Variants in HIVEP2 observed in about 807,000 individuals in gnomAD.
HIVEP2 encodes transcription factor HIVEP2.
In HIVEP2, 14 loss-of-function variants were observed where a neutral mutation model predicts 180.7. The observed-to-expected ratio is 0.08, with a 90% confidence interval of 0.05 to 0.12. The LOEUF (loss-of-function observed/expected upper bound fraction) is 0.12. HIVEP2 is among the 10% of genes least tolerant of loss of function. The pLI is 1.00. For synonymous variants in HIVEP2, 1,184 were observed against 1,136.4 expected, an observed-to-expected ratio of 1.04 and a Z score of -0.84; for missense variants, 2,579 against 3,008.5, an observed-to-expected ratio of 0.86 and a Z score of 3.34.
At chr6:142,808,285 A>G (rs1166660336) in intron 2 of HIVEP2, among the ~76,000 whole-genome samples, 1 of 152,186 alleles carries the variant, frequency 6.6e-6, no homozygotes, top group African/African-American at 2.4e-5. Flanking sequence ...CTTGATACAC[A>G]AGAAATGCTC....
intron 1 of HIVEP2, among the ~76,000 whole-genome samples, chr6:142,944,427 C>CCACA (rs34581763): frequency 0.019 from 2,814 of 146,890 alleles, 90 homozygotes; most frequent in African/African-American, 0.067. Flanking sequence ...CCCCACACAC[C>CCACA]CACACACACA....
intron 7 of HIVEP2, among the ~76,000 whole-genome samples, chr6:142,763,798 T>A (rs1216735394): frequency 6.6e-6 from 1 of 152,210 alleles, no homozygotes; most frequent in African/African-American, 2.4e-5. Context: ...GAACACATAC[T>A]TTTTTCAGCT....
intron 9 of HIVEP2, among the ~76,000 whole-genome samples, chr6:142,754,239 A>T (rs1775004798): frequency 6.6e-6 from 1 of 152,002 alleles, no homozygotes; most frequent in Admixed American, 6.6e-5. Context: ...TTTTCACAAG[A>T]GATAATGAAA....
intron 2 of HIVEP2, among the ~76,000 whole-genome samples, chr6:142,789,393 T>C (rs996238368): frequency 2.0e-5 from 3 of 152,244 alleles, no homozygotes; most frequent in Non-Finnish European, 4.4e-5. Flanking sequence ...AGGTTTGTTT[T>C]CTTGACCCAA....
At chr6:142,856,822 G>C (rs1775834223) in intron 1 of HIVEP2, among the ~76,000 whole-genome samples, 1 of 152,176 alleles carries the variant, frequency 6.6e-6, no homozygotes, top group African/African-American at 2.4e-5. Context: ...TGGTTAGCAG[G>C]GGCTCCCCAA....
chr6:142,895,792 A>G (rs1465865384), intron 1 of HIVEP2, among the ~76,000 whole-genome samples: 1 of 152,236 alleles, frequency 6.6e-6, no homozygotes, highest in Admixed American at 6.5e-5. Flanking sequence ...GAGTGGATCA[A>G]ACCAGGCCTC....
chr6:142,777,186 T>C (rs1775723850), intron 3 of HIVEP2, among the ~76,000 whole-genome samples: 1 of 152,160 alleles, frequency 6.6e-6, no homozygotes, highest in Non-Finnish European at 1.5e-5. Context: ...TCCTTACAGG[T>C]GTACTTGCAC....
At position 142,773,307 on chromosome 6, in the gene HIVEP2, G is replaced by C. The variant is rs1264040020; in HGVS notation, c.1432C>G (p.Leu478Val). 1 of 1,614,212 alleles carries C rather than the reference G, an allele frequency of 6.2e-7. No individual in the cohort carries two copies. The highest frequency in any genetic ancestry group is 8.5e-7 in the Non-Finnish European group (1 of 1,180,040). ...TCGACATCTCCCTTGCTTGGGATCAGCTGTGAAACAGGATCTTCAAACATC... is the reference window on the plus strand; with the variant it reads ...TCGACATCTCCCTTGCTTGGGATCACCTGTGAAACAGGATCTTCAAACATC... The part of the protein sequence containing the change: ...VKMFEDPVSQ[L>V]IPSKGDVDPS... Residue 478 changes from leucine to valine, a missense_variant, in exon 5 of 10, where the codon CTG (leucine) becomes GTG (valine). This residue lies in a region of HIVEP2 where 524 missense variants were observed against 563.6 expected (regional missense o/e 0.93). Coordinates refer to ENST00000367603, the MANE Select transcript of HIVEP2 (RefSeq NM_006734.4).
chr6:142,770,702 C>G lies in HIVEP2; in HGVS notation c.4037G>C (p.Gly1346Ala), dbSNP rs775067435. The G allele has an allele frequency of 6.2e-7, 1 of 1,614,052 alleles. No homozygotes were observed. Among genetic ancestry groups the G allele is most frequent in the African/African-American group, 1.3e-5 (1 of 74,922 alleles). Residue 1346 changes from glycine (G) to alanine (A), a missense_variant, in exon 5 of 10, where the codon GGA (glycine) becomes GCA (alanine). Gly to Ala is a moderately conservative substitution (Grantham distance 60). This residue lies in a region of HIVEP2 where 523 missense variants were observed against 577.0 expected (regional missense o/e 0.91). Transcript: ENST00000367603. The surrounding 1 kb of genome is among the most constrained non-coding windows in gnomAD (Gnocchi z 4.7). Reference sequence around the variant, plus strand: ...AGAAATGCTTGTGTACATGACACTTCCATAGGATGGTACGTGCGTCTGGAT... The same window carrying G: ...AGAAATGCTTGTGTACATGACACTTGCATAGGATGGTACGTGCGTCTGGAT... The part of the protein sequence containing the change: ...VRIQTHVPSY[G>A]SVMYTSISQI...
intron 1 of HIVEP2, among the ~76,000 whole-genome samples, chr6:142,853,062 C>T (rs944222579): frequency 1.3e-5 from 2 of 152,104 alleles, no homozygotes; most frequent in Admixed American, 1.3e-4. Flanking sequence ...CAGTTATTTT[C>T]TTATTGACTT....
chr6:142,818,741 G>GAA (rs1185286892), intron 2 of HIVEP2, among the ~76,000 whole-genome samples: 1 of 76,424 alleles, frequency 1.3e-5, no homozygotes. Context: ...AGAAAAGAAA[G>GAA]AAAGAAAGAA....
At chr6:142,782,222 G>A (rs1369714401) in intron 3 of HIVEP2, among the ~76,000 whole-genome samples, 2 of 152,174 alleles carry the variant, frequency 1.3e-5, no homozygotes, top group Non-Finnish European at 2.9e-5. Context: ...CAAAATACGT[G>A]TCTTATGGTA....
rs2114610237 is a variant in HIVEP2, at chr6:142,760,154, T to C, written c.6134A>G (p.His2045Arg). The change falls in exon 9 of 10, where the codon CAT (histidine) becomes CGT (arginine). Residue 2045 changes from histidine (H) to arginine (R), a missense_variant. By Grantham distance (29) the His-to-Arg change is conservative. Coordinates refer to ENST00000367603, the MANE Select transcript of HIVEP2 (RefSeq NM_006734.4). ...TGAAGAATCATATCCTGGAGAGGAA[T>C]GGTGGCTTGAGGGTGAGAAGTCCCT... is the stretch of plus-strand genomic sequence containing the variant. The part of the protein sequence containing the change: ...SPRDFSPSSH[H>R]SSPGYDSSPC... The C allele has an allele frequency of 6.2e-7, 1 of 1,614,162 alleles. No individual in the cohort carries two copies. Among genetic ancestry groups the C allele is most frequent in the South Asian group, 1.1e-5 (1 of 91,078 alleles).
chr6:142,785,282 T>A, intron 2 of HIVEP2, among the ~76,000 whole-genome samples: 1 of 63,138 alleles, frequency 1.6e-5, no homozygotes, highest in African/African-American at 5.0e-5. Flanking sequence ...AACTATAATC[T>A]AGGCTAAAGT....
chr6:142,759,883 TCTC>T lies in HIVEP2; in HGVS notation c.6402_6404del (p.Arg2136del). The T allele has an allele frequency of 6.2e-7, 1 of 1,614,126 alleles. No homozygotes were observed. The highest frequency in any genetic ancestry group is 8.5e-7 in the Non-Finnish European group (1 of 1,179,980). ...GCGCTCTTATTGTGGTCATGTATCT[TCTC>T]TCTCTTCTAGGAGAGAGGTCTCTTC... is the stretch of plus-strand genomic sequence containing the variant. On this transcript the variant is annotated inframe_deletion, in exon 9 of 10. Coordinates refer to ENST00000367603, the MANE Select transcript of HIVEP2 (RefSeq NM_006734.4).
intron 1 of HIVEP2, among the ~76,000 whole-genome samples, chr6:142,926,407 T>A (rs1777811605): frequency 6.6e-6 from 1 of 152,264 alleles, no homozygotes; most frequent in Non-Finnish European, 1.5e-5. Flanking sequence ...CGGCATGATG[T>A]TTGTGCTTTG....
intron 9 of HIVEP2, among the ~76,000 whole-genome samples, chr6:142,757,598 C>T (rs1234847155): frequency 6.6e-6 from 1 of 152,140 alleles, no homozygotes; most frequent in Non-Finnish European, 1.5e-5. Context: ...GTGGAGGTTG[C>T]AGTAAGCCAA....
chr6:142,752,089 C>T lies in HIVEP2; in HGVS notation c.*1018G>A, dbSNP rs555136416. 1.3e-5 allele frequency: 2 copies of T among 152,756 alleles called. No individual in the cohort carries two copies. The highest frequency in any genetic ancestry group is 2.1e-4 in the South Asian group (1 of 4,822). 9.5% of individuals were successfully genotyped at this position (152,756 alleles called of 1,614,324 possible). A position where few individuals can be genotyped will look rare whatever the true frequency, so the allele number is the denominator to read the frequency against. On this transcript the variant is annotated 3_prime_UTR_variant, in exon 10 of 10. Transcript: ENST00000367603. ...GGCCGATAACCAAGCTCTACACAGT[C>T]CCATGTGCTTTGTCACCTTAATTTT...
chr6:142,865,822 A>G (rs1023501343), intron 1 of HIVEP2, among the ~76,000 whole-genome samples: 7 of 152,180 alleles, frequency 4.6e-5, no homozygotes, highest in Admixed American at 2.0e-4. Flanking sequence ...GGGACGAGTT[A>G]TGAACAACCT....
Sources: gnomAD v4.1 joint callset for allele counts (sites outside exome capture counted in the v4.1 genomes callset) on GRCh38, gnomAD v4.1.1 for gene constraint, gnomAD v4.1.1 regional missense constraint, Gnocchi (gnomAD v3.1) non-coding constraint, MANE v1.5 for transcripts, NCBI Gene and HGNC (gene_info 2026-07-23, HGNC 2026-07-21) for gene names.